The following TSHZ1 variants were observed in gnomAD, a reference collection of about 807,000 sequenced individuals.
TSHZ1 encodes teashirt homolog 1.
TSHZ1 carries 12 observed loss-of-function variants against 67.1 expected under a neutral mutation model. The ratio of observed to expected loss-of-function variants is 0.18; its 90% CI spans 0.11 to 0.29. The LOEUF is 0.29. Ranked by LOEUF, TSHZ1 falls within the 10% of genes least tolerant of loss-of-function variation. The pLI, the probability that TSHZ1 is intolerant of heterozygous loss-of-function variation, is 1.00. For synonymous variants in TSHZ1, 632 were observed against 622.4 expected, an observed-to-expected ratio of 1.02 and a Z score of -0.23; for missense variants, 1,305 against 1,413.9, an observed-to-expected ratio of 0.92 and a Z score of 1.23.
intron 1 of TSHZ1, among the ~76,000 whole-genome samples, chr18:75,230,654 C>T (rs117749063): frequency 3.3e-5 from 5 of 152,290 alleles, no homozygotes; most frequent in Non-Finnish European, 7.4e-5. Flanking sequence ...TTGTCAGTCA[C>T]CACACGCAGG....
intron 1 of TSHZ1, among the ~76,000 whole-genome samples, chr18:75,224,104 A>G (rs955956241): frequency 1.3e-5 from 2 of 149,346 alleles, no homozygotes; most frequent in African/African-American, 4.9e-5. Flanking sequence ...TTTTTTTTTA[A>G]AGGAAGGGAA....
intron 1 of TSHZ1, among the ~76,000 whole-genome samples, chr18:75,266,841 A>G (rs967645407): frequency 1.7e-4 from 26 of 152,246 alleles, no homozygotes; most frequent in African/African-American, 6.3e-4. Flanking sequence ...GTATTGACAT[A>G]AAGAATATTA....
At position 75,286,953 on chromosome 18, in the gene TSHZ1, A is replaced by T. The variant is rs375468249; in HGVS notation, c.1546A>T (p.Ile516Phe). The T allele has an allele frequency of 6.2e-7, 1 of 1,614,174 alleles. No homozygotes were observed. The highest frequency in any genetic ancestry group is 8.5e-7 in the Non-Finnish European group (1 of 1,180,024). The change falls in exon 2 of 2, where the codon ATC becomes TTC. Residue 516 changes from isoleucine (I) to phenylalanine (F), a missense_variant. Around this residue, in one of 3 missense-constraint regions of TSHZ1, gnomAD observed 909 missense variants for 961.8 expected, o/e 0.95. Transcript: ENST00000580243. The surrounding 1 kb of genome is among the most constrained non-coding windows in gnomAD (Gnocchi z 5.1). ...GCCTGTGGCTGGCGACGCGGAGAAG[A>T]TCAAGGAGGAGAGTGAGGACAGCTT... ...KPPVAGDAEKIKEESEDSLEK... is the reference protein window; with the variant it reads ...KPPVAGDAEKFKEESEDSLEK...
chr18:75,261,719 C>G (rs2023432918), intron 1 of TSHZ1, among the ~76,000 whole-genome samples: 1 of 152,252 alleles, frequency 6.6e-6, no homozygotes, highest in Admixed American at 6.5e-5. Flanking sequence ...CTTCTAAGAG[C>G]TGCTGTCATC....
At chr18:75,266,240 A>T (rs1057401606) in intron 1 of TSHZ1, among the ~76,000 whole-genome samples, 1 of 152,242 alleles carries the variant, frequency 6.6e-6, no homozygotes, top group Non-Finnish European at 1.5e-5. Flanking sequence ...AAGTCAACTC[A>T]TCTGTTCTAG....
rs1227501734 is a variant in TSHZ1, at chr18:75,286,822, C to T, written c.1415C>T (p.Pro472Leu). 1.2e-6 allele frequency: 2 copies of T among 1,613,980 alleles called. No individual in the cohort carries two copies. Among genetic ancestry groups the T allele is most frequent in the Non-Finnish European group, 1.7e-6 (2 of 1,180,022 alleles). ...EEKIQSIPLP[P>L]TTHTRLPASS... is the part of the protein sequence containing the mutation. ...AAGATCCAGTCCATCCCACTACCGCCCACCACCCACACGCGGCTGCCGGCC... is the reference window on the plus strand; with the variant it reads ...AAGATCCAGTCCATCCCACTACCGCTCACCACCCACACGCGGCTGCCGGCC... The change falls in exon 2 of 2, where the codon CCC becomes CTC. Residue 472 changes from proline (P) to leucine (L), a missense_variant. Coordinates refer to ENST00000580243, the MANE Select transcript of TSHZ1 (RefSeq NM_001308210.2). The surrounding 1 kb of genome is among the most constrained non-coding windows in gnomAD (Gnocchi z 5.1).
At chr18:75,265,059 C>G (rs1478635044) in intron 1 of TSHZ1, among the ~76,000 whole-genome samples, 1 of 152,208 alleles carries the variant, frequency 6.6e-6, no homozygotes, top group Non-Finnish European at 1.5e-5. Flanking sequence ...AGCAATTTTA[C>G]ATGCAGAATG....
chr18:75,275,932 A>G (rs1298927158), intron 1 of TSHZ1, among the ~76,000 whole-genome samples: 1 of 152,082 alleles, frequency 6.6e-6, no homozygotes, highest in Admixed American at 6.6e-5. Flanking sequence ...ACTTCTTTTA[A>G]TTTTTTAAGA....
In TSHZ1 at chr18:75,286,255, C is replaced by A; in HGVS notation, c.848C>A (p.Thr283Asn). ...AACAGGGACAAGGACTCCGAGAAGA[C>A]CAAGAGGTGGTCCAAGCCCAGGAAG... ...DDNRDKDSEK[T>N]KRWSKPRKRS... The change falls in exon 2 of 2, where the codon ACC (threonine) becomes AAC (asparagine). Residue 283 changes from threonine (T) to asparagine (N), a missense_variant. Around this residue, in one of 3 missense-constraint regions of TSHZ1, gnomAD observed 358 missense variants for 375.6 expected, o/e 0.95. Transcript: ENST00000580243. This position sits in a 1 kb window ranked among gnomAD's most constrained non-coding sequence, Gnocchi z 5.1. 6.2e-7 allele frequency: 1 copy of A among 1,613,718 alleles called. No individual in the cohort carries two copies. The highest frequency in any genetic ancestry group is 8.5e-7 in the Non-Finnish European group (1 of 1,179,716).
At chr18:75,244,294 G>A (rs552871699) in intron 1 of TSHZ1, among the ~76,000 whole-genome samples, 2 of 152,354 alleles carry the variant, frequency 1.3e-5, no homozygotes, top group Admixed American at 6.5e-5. Context: ...ACCGGGTAAG[G>A]TTGTTATTCA....
At chr18:75,234,644 A>T (rs113806855) in intron 1 of TSHZ1, among the ~76,000 whole-genome samples, 1 of 151,760 alleles carries the variant, frequency 6.6e-6, no homozygotes, top group South Asian at 2.1e-4. Flanking sequence ...GGTCTTCATT[A>T]TTGTGTTTTT....
At chr18:75,261,929 G>C (rs1003750863) in intron 1 of TSHZ1, among the ~76,000 whole-genome samples, 2 of 152,216 alleles carry the variant, frequency 1.3e-5, no homozygotes, top group African/African-American at 4.8e-5. Flanking sequence ...CCAAACCCTT[G>C]AGGCTTTTGG....
At chr18:75,239,814 T>C (rs1382083785) in intron 1 of TSHZ1, among the ~76,000 whole-genome samples, 1 of 152,240 alleles carries the variant, frequency 6.6e-6, no homozygotes, top group Non-Finnish European at 1.5e-5. Context: ...GATTTTAGGT[T>C]TCTTCTTCTC....
chr18:75,246,929 A>G (rs910033165), intron 1 of TSHZ1, among the ~76,000 whole-genome samples: 2 of 152,226 alleles, frequency 1.3e-5, no homozygotes, highest in Admixed American at 1.3e-4. Context: ...AACATTCACA[A>G]TAATGGAGTA....
chr18:75,230,880 A>G (rs2581667), intron 1 of TSHZ1, among the ~76,000 whole-genome samples: 129,152 of 152,208 alleles, frequency 0.85, 55,006 homozygotes, highest in South Asian at 0.95. Context: ...TTCCCTATGC[A>G]AGCTGCATGG....
chr18:75,269,499 G>C (rs2023532076), intron 1 of TSHZ1, among the ~76,000 whole-genome samples: 1 of 152,142 alleles, frequency 6.6e-6, no homozygotes, highest in Non-Finnish European at 1.5e-5. Context: ...CCTGAAGGCT[G>C]GCAGGTGGCA....
chr18:75,233,883 G>A (rs1191439858), intron 1 of TSHZ1, among the ~76,000 whole-genome samples: 1 of 152,156 alleles, frequency 6.6e-6, no homozygotes, highest in Non-Finnish European at 1.5e-5. Context: ...TGGGAAGACT[G>A]TCTTTATGCA....
chr18:75,216,144 AAC>A (rs2022764795), intron 1 of TSHZ1, among the ~76,000 whole-genome samples: 1 of 152,248 alleles, frequency 6.6e-6, no homozygotes, highest in African/African-American at 2.4e-5. Flanking sequence ...AATAGTAAGA[AAC>A]AGTTTTGAAT....
chr18:75,285,883 C>T lies in TSHZ1; in HGVS notation c.476C>T (p.Thr159Ile), dbSNP rs2023750195. 2 of 1,494,576 alleles carry T rather than the reference C, an allele frequency of 1.3e-6. No individual in the cohort carries two copies. Among genetic ancestry groups the T allele is most frequent in the Non-Finnish European group, 1.8e-6 (2 of 1,107,898 alleles). The allele number at this position is 1,494,576 out of a possible 1,614,324, so 92.6% of individuals were successfully genotyped here. The change falls in exon 2 of 2, where the codon ACA becomes ATA. Residue 159 changes from threonine to isoleucine, a missense_variant. By Grantham distance (89) the Thr-to-Ile change is moderately conservative. Transcript: ENST00000580243. Reference sequence around the variant, plus strand: ...AAGGAGAGCTCCGCCCCCACCCCCACACCCCCCACCTGCCCCGTCAGCACC... The same window carrying T: ...AAGGAGAGCTCCGCCCCCACCCCCATACCCCCCACCTGCCCCGTCAGCACC... ...SQKESSAPTPTPPTCPVSTTG... is the reference protein window; with the variant it reads ...SQKESSAPTPIPPTCPVSTTG...
Sources: gnomAD v4.1 joint callset for allele counts (sites outside exome capture counted in the v4.1 genomes callset) on GRCh38, gnomAD v4.1.1 for gene constraint, gnomAD v4.1.1 regional missense constraint, Gnocchi (gnomAD v3.1) non-coding constraint, MANE v1.5 for transcripts, NCBI Gene and HGNC (gene_info 2026-07-23, HGNC 2026-07-21) for gene names.